The following GRIP1 variants were observed in gnomAD, a reference collection of about 807,000 sequenced individuals.
GRIP1 encodes glutamate receptor-interacting protein 1.
Under a neutral mutation model 129.9 loss-of-function variants are expected in GRIP1, and 45 were observed. The observed-to-expected ratio is 0.35, with a 90% CI of 0.27 to 0.44. GRIP1 has a LOEUF of 0.44. Ranked by LOEUF, GRIP1 falls within the 20% of genes least tolerant of loss-of-function variation. The pLI, the probability that GRIP1 is intolerant of heterozygous loss-of-function variation, is 1.00. For missense variants in GRIP1, 1,196 were observed against 1,396.8 expected (o/e 0.86, Z 2.29); for synonymous variants, 530 against 520.8 (o/e 1.02, Z -0.24).
At chr12:66,943,656 G>C (rs2041623183) in intron 1 of GRIP1, among the ~76,000 whole-genome samples, 1 of 152,146 alleles carries the variant, frequency 6.6e-6, no homozygotes, top group Admixed American at 6.5e-5. Context: ...CATTCTGCTT[G>C]TGAAATTTCA....
At chr12:67,053,567 T>C (rs1025554203) in intron 1 of GRIP1, among the ~76,000 whole-genome samples, 5 of 152,118 alleles carry the variant, frequency 3.3e-5, no homozygotes, top group Non-Finnish European at 7.4e-5. Flanking sequence ...GGGCCGGGCG[T>C]GGTGGCTCAT....
intron 19 of GRIP1, among the ~76,000 whole-genome samples, chr12:66,388,248 CTG>C (rs1245890692): frequency 6.6e-6 from 1 of 151,576 alleles, no homozygotes; most frequent in Admixed American, 6.6e-5. Flanking sequence ...ATTATAGAAA[CTG>C]AGAAAATAAA....
At chr12:66,720,211 T>C (rs867492691) in intron 1 of GRIP1, among the ~76,000 whole-genome samples, 7 of 152,312 alleles carry the variant, frequency 4.6e-5, no homozygotes, top group African/African-American at 1.4e-4. Context: ...AAGTTATGCT[T>C]ACACTACACT....
intron 1 of GRIP1, among the ~76,000 whole-genome samples, chr12:66,878,593 T>C (rs1224909715): frequency 6.6e-6 from 1 of 152,024 alleles, no homozygotes; most frequent in Admixed American, 6.6e-5. Context: ...TTGGGACATA[T>C]TCTACATATT....
intron 1 of GRIP1, among the ~76,000 whole-genome samples, chr12:66,946,664 C>T (rs779505931): frequency 6.6e-6 from 1 of 151,390 alleles, no homozygotes; most frequent in Non-Finnish European, 1.5e-5. Flanking sequence ...GCACTGCACA[C>T]ACATCCCAGG....
chr12:66,952,922 C>T (rs903697968), intron 1 of GRIP1, among the ~76,000 whole-genome samples: 16 of 152,138 alleles, frequency 1.1e-4, no homozygotes, highest in Non-Finnish European at 1.8e-4. Flanking sequence ...TTCAAGTTTA[C>T]GATTAGAGCT....
intron 7 of GRIP1, among the ~76,000 whole-genome samples, chr12:66,491,557 A>G (rs183485131): frequency 1.4e-4 from 21 of 152,234 alleles, no homozygotes; most frequent in African/African-American, 4.8e-4. Flanking sequence ...TGTGTAGCAA[A>G]CCACCATGGC....
chr12:66,628,424 A>G (rs1314157552), intron 1 of GRIP1, among the ~76,000 whole-genome samples: 5 of 152,192 alleles, frequency 3.3e-5, no homozygotes, highest in Non-Finnish European at 7.3e-5. Flanking sequence ...ACAAGGAACC[A>G]GCCTTCAGCA....
In GRIP1 at chr12:66,760,481, G is replaced by A. The variant is rs541056096; in HGVS notation, c.-420+43572C>T. Among the ~76,000 whole-genome samples, 44 of 152,226 alleles carry A rather than the reference G, an allele frequency of 2.9e-4. No individual in the cohort carries two copies. In the South Asian group the frequency reaches 7.9e-3, roughly 27 times the overall value. ...AGGTAAAAAGCACTTCTTACGTGGC[G>A]GTGGCAAGAGAAAAATGAAAAAGCA... On this transcript the variant is annotated intron_variant, in intron 1 of 4. Coordinates refer to the GRIP1 transcript ENST00000538373.
chr12:66,725,722 C>T (rs940781921), intron 1 of GRIP1, among the ~76,000 whole-genome samples: 33 of 152,126 alleles, frequency 2.2e-4, no homozygotes, highest in Admixed American at 2.2e-3. Flanking sequence ...CTCCAGTACA[C>T]ACATTTATAT....
chr12:66,787,510 C>T (rs1330162807), intron 1 of GRIP1, among the ~76,000 whole-genome samples: 1 of 152,048 alleles, frequency 6.6e-6, no homozygotes, highest in East Asian at 1.9e-4. Context: ...ATCCTAAACC[C>T]TAAGGTGATG....
At chr12:66,717,092 A>G (rs2035912578) in intron 1 of GRIP1, among the ~76,000 whole-genome samples, 1 of 152,132 alleles carries the variant, frequency 6.6e-6, no homozygotes, top group South Asian at 2.1e-4. Flanking sequence ...TTATTCTTAG[A>G]TGGAAAACTC....
intron 1 of GRIP1, among the ~76,000 whole-genome samples, chr12:67,045,762 C>T (rs893434252): frequency 2.0e-5 from 3 of 152,178 alleles, no homozygotes; most frequent in African/African-American, 7.2e-5. Context: ...TGGGCCAGCA[C>T]ACAGTAAACC....
chr12:66,477,366 A>G (rs981195194), intron 7 of GRIP1, among the ~76,000 whole-genome samples: 3 of 151,950 alleles, frequency 2.0e-5, no homozygotes, highest in African/African-American at 7.3e-5. Flanking sequence ...CCACTGCTCA[A>G]TGAAATAAAA....
At chr12:67,061,677 T>C (rs1291672699) in intron 1 of GRIP1, among the ~76,000 whole-genome samples, 2 of 152,166 alleles carry the variant, frequency 1.3e-5, no homozygotes, top group Admixed American at 1.3e-4. Flanking sequence ...AGGAGATAAA[T>C]GTACAGAATA....
intron 1 of GRIP1, among the ~76,000 whole-genome samples, chr12:66,651,784 C>T (rs1011675878): frequency 1.3e-5 from 2 of 151,966 alleles, no homozygotes; most frequent in Non-Finnish European, 2.9e-5. Context: ...GGAGCATTTA[C>T]TCATTTTTTT....
intron 1 of GRIP1, among the ~76,000 whole-genome samples, chr12:66,746,515 G>T (rs748380983): frequency 8.5e-5 from 13 of 152,146 alleles, no homozygotes; most frequent in Non-Finnish European, 1.6e-4. Context: ...GGGAAATTGT[G>T]CATGCTACAA....
At chr12:66,493,006 A>AAAACAAAC (rs148165279) in intron 7 of GRIP1, among the ~76,000 whole-genome samples, 43 of 151,170 alleles carry the variant, frequency 2.8e-4, no homozygotes, top group Middle Eastern at 6.8e-3. Context: ...ACTCTGTCTC[A>AAAACAAAC]AAACAAACAA....
In GRIP1 at chr12:66,358,707, T is replaced by C. The variant is rs1592682380; in HGVS notation, c.3013-5144A>G. 3.9e-5 allele frequency among the ~76,000 whole-genome samples: 6 copies of C among 152,214 alleles called. No individual in the cohort carries two copies. In the South Asian group the frequency reaches 1.2e-3, roughly 32 times the overall value. ...AAAATGAGCTCCTGACCTCCTGCCA[T>C]GGCCTCCTAAATTGCTGAGATTACA... On this transcript the variant is annotated intron_variant, in intron 23 of 24. Transcript: ENST00000359742.
Sources: gnomAD v4.1 joint callset for allele counts (sites outside exome capture counted in the v4.1 genomes callset) on GRCh38, gnomAD v4.1.1 for gene constraint, MANE v1.5 for transcripts, NCBI Gene and HGNC (gene_info 2026-07-23, HGNC 2026-07-21) for gene names.